ZFPM2: variants seen among roughly 807,000 people sequenced by gnomAD.
ZFPM2 encodes the protein zinc finger protein ZFPM2.
Under a neutral mutation model 98.6 loss-of-function variants are expected in ZFPM2, and 20 were observed. That is an observed-to-expected ratio of 0.20 (90% confidence interval 0.14 to 0.29). ZFPM2 has a LOEUF of 0.29. ZFPM2 is among the 10% of genes least tolerant of loss of function. ZFPM2 has a pLI of 1.00. For missense variants in ZFPM2, 1,310 were observed against 1,388.6 expected (o/e 0.94, Z 0.90); for synonymous variants, 518 against 502.7 (o/e 1.03, Z -0.41).
intron 3 of ZFPM2, among the ~76,000 whole-genome samples, chr8:105,493,230 T>G (rs773775195): frequency 6.6e-6 from 1 of 152,210 alleles, no homozygotes; most frequent in Non-Finnish European, 1.5e-5. Context: ...TATGACTTTC[T>G]GAGCTTCTGT....
chr8:105,395,415 C>G (rs973005852), intron 1 of ZFPM2, among the ~76,000 whole-genome samples: 1 of 152,120 alleles, frequency 6.6e-6, no homozygotes, highest in Admixed American at 6.5e-5. Flanking sequence ...AGAACACTAA[C>G]CCCAGAGATG....
chr8:105,396,810 T>C, intron 1 of ZFPM2, among the ~76,000 whole-genome samples: 1 of 152,176 alleles, frequency 6.6e-6, no homozygotes, highest in Middle Eastern at 3.2e-3. Context: ...GAACTAATTA[T>C]TGTGTTCCAG....
intron 5 of ZFPM2, among the ~76,000 whole-genome samples, chr8:105,763,194 T>C (rs1563553435): frequency 6.6e-6 from 1 of 151,420 alleles, no homozygotes; most frequent in Admixed American, 6.6e-5. Context: ...GTCTCAAGAG[T>C]TTTGGTGTTT....
At chr8:105,455,558 A>G (rs918548261) in intron 3 of ZFPM2, among the ~76,000 whole-genome samples, 1 of 148,756 alleles carries the variant, frequency 6.7e-6, no homozygotes, top group African/African-American at 2.4e-5. Flanking sequence ...AAGACATATA[A>G]TTCAGAGAAG....
At chr8:105,399,161 G>A (rs987463982) in intron 1 of ZFPM2, among the ~76,000 whole-genome samples, 1 of 152,184 alleles carries the variant, frequency 6.6e-6, no homozygotes, top group African/African-American at 2.4e-5. Flanking sequence ...GTAGGAGTTT[G>A]TGGGCCATGA....
intron 3 of ZFPM2, among the ~76,000 whole-genome samples, chr8:105,546,583 A>AAACAC (rs544659193): frequency 6.7e-6 from 1 of 149,740 alleles, no homozygotes; most frequent in African/African-American, 2.5e-5. Context: ...AAAAAAAAAA[A>AAACAC]ACAAACCCAA....
intron 5 of ZFPM2, among the ~76,000 whole-genome samples, chr8:105,659,472 T>C (rs1162738877): frequency 1.3e-5 from 2 of 152,180 alleles, no homozygotes; most frequent in East Asian, 1.9e-4. Context: ...TCCACTGATA[T>C]TAGAGGATGA....
intron 5 of ZFPM2, chr8:105,678,724 A>C (rs1810531136): frequency 6.6e-6 from 1 of 152,202 alleles, no homozygotes; most frequent in South Asian, 2.1e-4. Context: ...TGGGAGTTCT[A>C]ATACCATGTC....
intron 1 of ZFPM2, among the ~76,000 whole-genome samples, chr8:105,405,456 T>A (rs1016635024): frequency 1.6e-5 from 2 of 122,678 alleles, no homozygotes; most frequent in African/African-American, 3.1e-5. Flanking sequence ...CAGTCCCTGG[T>A]GTGTGATGTT....
At chr8:105,692,324 T>G (rs1220694226) in intron 5 of ZFPM2, among the ~76,000 whole-genome samples, 1 of 152,212 alleles carries the variant, frequency 6.6e-6, no homozygotes, top group Non-Finnish European at 1.5e-5. Context: ...TTATAATGAC[T>G]ACAATGTGTT....
intron 2 of ZFPM2, among the ~76,000 whole-genome samples, chr8:105,424,561 T>G (rs1811868295): frequency 6.6e-6 from 1 of 152,128 alleles, no homozygotes; most frequent in Admixed American, 6.5e-5. Context: ...GCAAAGGTTA[T>G]TTTAAAGATT....
At chr8:105,359,499 C>T (rs555425648) in intron 1 of ZFPM2, among the ~76,000 whole-genome samples, 34 of 151,858 alleles carry the variant, frequency 2.2e-4, no homozygotes, top group East Asian at 3.9e-4. Context: ...CCTCAGCCTC[C>T]GAGTAGCTGG....
chr8:105,443,338 A>AAAAAAAAAC (rs1554605250), intron 2 of ZFPM2, among the ~76,000 whole-genome samples: 5 of 151,002 alleles, frequency 3.3e-5, no homozygotes, highest in South Asian at 2.1e-4. Context: ...AAAAAAAAAA[A>AAAAAAAAAC]ACTTGGCATT....
chr8:105,319,094 C>T (rs1470072626), intron 1 of ZFPM2, 113 bp downstream of exon 1: 2 of 1,255,706 alleles, frequency 1.6e-6, no homozygotes, highest in East Asian at 3.5e-5. Context: ...GCTCCCGGTC[C>T]CCTAGATGTC....
intron 5 of ZFPM2, among the ~76,000 whole-genome samples, chr8:105,758,971 A>C (rs994664160): frequency 6.6e-6 from 1 of 152,136 alleles, no homozygotes; most frequent in African/African-American, 2.4e-5. Context: ...AAGACATTTT[A>C]ATATGCCATT....
intron 4 of ZFPM2, among the ~76,000 whole-genome samples, chr8:105,571,132 G>A (rs1815345986): frequency 6.6e-6 from 1 of 152,204 alleles, no homozygotes; most frequent in Admixed American, 6.5e-5. Context: ...TCGGTGTGAA[G>A]GATGAAGAAT....
chr8:105,689,486 G>C (rs1810824870), intron 5 of ZFPM2, among the ~76,000 whole-genome samples: 1 of 152,106 alleles, frequency 6.6e-6, no homozygotes, highest in Admixed American at 6.5e-5. Context: ...ATGCTATTCA[G>C]ATTTTTTTTG....
intron 2 of ZFPM2, among the ~76,000 whole-genome samples, chr8:105,423,623 A>C (rs750512311): frequency 2.0e-4 from 31 of 152,318 alleles, no homozygotes; most frequent in African/African-American, 6.7e-4. Context: ...TGTGGTACTG[A>C]AATTTTCGTT....
At chr8:105,534,034 C>CCCTCCCTCCCTT (rs1563704346) in intron 3 of ZFPM2, among the ~76,000 whole-genome samples, 2 of 21,714 alleles carry the variant, frequency 9.2e-5, no homozygotes, top group Non-Finnish European at 1.5e-4. Context: ...CTTCCTCCCT[C>CCCTCCCTCCCTT]CCTCCCTCCC....
Sources: allele counts gnomAD v4.1 joint callset (sites outside exome capture counted in the v4.1 genomes callset), GRCh38; gene constraint gnomAD v4.1.1; transcripts MANE v1.5; gene names NCBI Gene and HGNC (gene_info 2026-07-23, HGNC 2026-07-21).